The following ENTREP2 variants were observed in gnomAD, a reference collection of about 807,000 sequenced individuals.
ENTREP2 encodes the protein endosomal transmembrane epsin interactor 2, also known as protein ENTREP2.
the ENTREP2 span, among the ~76,000 whole-genome samples, chr15:29,191,931 A>G: frequency 1.3e-5 from 2 of 152,168 alleles, no homozygotes; most frequent in South Asian, 4.1e-4. Flanking sequence ...TTGTTAAGTC[A>G]TTCATGCTAC....
At chr15:29,207,522 A>G in the ENTREP2 span, among the ~76,000 whole-genome samples, 1 of 151,976 alleles carries the variant, frequency 6.6e-6, no homozygotes, top group Non-Finnish European at 1.5e-5. Flanking sequence ...TCCTATCAGA[A>G]TGCCCTTTTC....
chr15:29,664,654 C>T, the ENTREP2 span, among the ~76,000 whole-genome samples: 988 of 152,218 alleles, frequency 6.5e-3, 14 homozygotes, highest in African/African-American at 0.023. Flanking sequence ...GGGACCTGGG[C>T]AGACTCCCTA....
the ENTREP2 span, among the ~76,000 whole-genome samples, chr15:29,348,492 C>T: frequency 1.3e-5 from 2 of 152,134 alleles, no homozygotes. Context: ...GAGGAGAATC[C>T]AGGAAGACCG....
At chr15:29,570,456 G>T in the ENTREP2 span, 1 of 1,096,480 alleles carries the variant, frequency 9.1e-7, no homozygotes, top group Non-Finnish European at 1.1e-6. Context: ...TAGCCCCCCC[G>T]GCCCGCGCAG....
the ENTREP2 span, among the ~76,000 whole-genome samples, chr15:29,356,365 G>T: frequency 1.7e-3 from 222 of 132,054 alleles, no homozygotes; most frequent in African/African-American, 5.3e-3. Flanking sequence ...GGAGTGCAGT[G>T]GCGTGATCTC....
chr15:29,624,207 A>C, the ENTREP2 span, among the ~76,000 whole-genome samples: 114 of 152,322 alleles, frequency 7.5e-4, no homozygotes, highest in African/African-American at 2.6e-3. Context: ...GATTCACACA[A>C]TATCCATTCT....
At chr15:29,429,230 CATCT>C in the ENTREP2 span, among the ~76,000 whole-genome samples, 317 of 139,178 alleles carry the variant, frequency 2.3e-3, 1 homozygote, top group Middle Eastern at 8.0e-3. Flanking sequence ...TCCATCCATC[CATCT>C]ATCTTGAGAT....
At chr15:29,417,959 A>G in the ENTREP2 span, among the ~76,000 whole-genome samples, 1 of 152,228 alleles carries the variant, frequency 6.6e-6, no homozygotes, top group African/African-American at 2.4e-5. Context: ...TCAGCAAAAT[A>G]TCAGAATGGA....
the ENTREP2 span, among the ~76,000 whole-genome samples, chr15:29,641,569 C>T: frequency 1.3e-5 from 2 of 151,978 alleles, no homozygotes; most frequent in Admixed American, 6.6e-5. Flanking sequence ...CGGTGGCTCA[C>T]GCCTGTAATC....
the ENTREP2 span, among the ~76,000 whole-genome samples, chr15:29,466,943 C>T: frequency 7.4e-6 from 1 of 134,298 alleles, no homozygotes; most frequent in African/African-American, 2.8e-5. Flanking sequence ...TGCTGCAGCC[C>T]CCAGGGGAGG....
the ENTREP2 span, among the ~76,000 whole-genome samples, chr15:29,197,168 T>C: frequency 1.3e-5 from 2 of 152,006 alleles, no homozygotes; most frequent in African/African-American, 4.8e-5. Context: ...TGGAAAACCA[T>C]GGAAGAAAAA....
At chr15:29,614,545 G>T in the ENTREP2 span, among the ~76,000 whole-genome samples, 7,724 of 152,216 alleles carry the variant, frequency 0.051, 236 homozygotes, top group East Asian at 0.16. Context: ...AGGAAACCTA[G>T]ATTTCTGCCG....
At chr15:29,301,937 C>T in the ENTREP2 span, among the ~76,000 whole-genome samples, 1 of 152,152 alleles carries the variant, frequency 6.6e-6, no homozygotes, top group East Asian at 1.9e-4. Context: ...GGACTTCTAA[C>T]CCTCCTGAAC....
chr15:29,570,072 C>G, the ENTREP2 span: 16 of 145,786 alleles, frequency 1.1e-4, no homozygotes, highest in African/African-American at 3.5e-4. Flanking sequence ...CCACCGCCCC[C>G]GGTCAGGGCC....
the ENTREP2 span, among the ~76,000 whole-genome samples, chr15:29,342,463 C>T: frequency 2.0e-5 from 3 of 152,142 alleles, no homozygotes; most frequent in Non-Finnish European, 4.4e-5. Context: ...GTCTCCCTTC[C>T]GATGTACAGG....
chr15:29,502,399 G>A, the ENTREP2 span, among the ~76,000 whole-genome samples: 3 of 152,006 alleles, frequency 2.0e-5, no homozygotes, highest in Non-Finnish European at 2.9e-5. Context: ...ACAAAGGAAT[G>A]AAGTTGGACC....
the ENTREP2 span, among the ~76,000 whole-genome samples, chr15:29,208,395 T>C: frequency 6.6e-6 from 1 of 152,300 alleles, no homozygotes; most frequent in African/African-American, 2.4e-5. Flanking sequence ...CTTAAAAACA[T>C]GTGTCATCTA....
chr15:29,292,395 T>G, the ENTREP2 span, among the ~76,000 whole-genome samples: 1 of 151,976 alleles, frequency 6.6e-6, no homozygotes, highest in Non-Finnish European at 1.5e-5. Flanking sequence ...TTCTTTCTTG[T>G]TTTTCATGGA....
At chr15:29,521,778 T>C in the ENTREP2 span, among the ~76,000 whole-genome samples, 9 of 152,142 alleles carry the variant, frequency 5.9e-5, no homozygotes, top group African/African-American at 2.2e-4. Context: ...CTTGGGGAAT[T>C]GACACTAGTT....
Sources: gnomAD v4.1 joint callset for allele counts (sites outside exome capture counted in the v4.1 genomes callset) on GRCh38, gnomAD v4.1.1 for gene constraint, MANE v1.5 for transcripts, NCBI Gene and HGNC (gene_info 2026-07-23, HGNC 2026-07-21) for gene names.